The following PCTP variants were observed in gnomAD, a reference collection of about 807,000 sequenced individuals.
The protein encoded by PCTP is START domain-containing protein 2.
In PCTP, 27 loss-of-function variants were observed where a neutral mutation model predicts 31.0. The ratio of observed to expected loss-of-function variants is 0.87; its 90% confidence interval spans 0.64 to 1.20. The LOEUF (loss-of-function observed/expected upper bound fraction) is 1.20. Ranked by LOEUF, PCTP falls within the 50% of genes most tolerant of loss-of-function variation. The probability of loss-of-function intolerance (pLI) is 0.00; values close to 1 mark genes in which losing one functional copy is unlikely to be tolerated. For missense variants in PCTP, 287 were observed against 268.2 expected, an observed-to-expected ratio of 1.07 and a Z score of -0.49; for synonymous variants, 108 against 101.2, an observed-to-expected ratio of 1.07 and a Z score of -0.40.
chr17:55,775,012 G>T (rs974228574), intron 5 of PCTP, among the ~76,000 whole-genome samples, 153 bp downstream of exon 5: 1 of 152,178 alleles, frequency 6.6e-6, no homozygotes, highest in Non-Finnish European at 1.5e-5. Context: ...ACTCTGGTTA[G>T]GGCTGGGGCT....
the PCTP span, among the ~76,000 whole-genome samples, chr17:55,849,859 C>A: frequency 2.0e-5 from 3 of 152,066 alleles, no homozygotes; most frequent in East Asian, 5.8e-4. Context: ...TAAAAGTATA[C>A]CACAACCAAG....
intron 2 of PCTP, among the ~76,000 whole-genome samples, chr17:55,785,729 A>G (rs1045527481): frequency 5.9e-5 from 9 of 152,240 alleles, no homozygotes; most frequent in Non-Finnish European, 1.2e-4. Context: ...ATGAAAATTC[A>G]GTGAACAAAA....
intron 3 of PCTP, among the ~76,000 whole-genome samples, chr17:55,792,269 C>A (rs1166989381): frequency 3.4e-5 from 5 of 148,104 alleles, no homozygotes; most frequent in African/African-American, 2.5e-5. Flanking sequence ...AACTAACCTG[C>A]ACATTGTGCA....
intron 3 of PCTP, among the ~76,000 whole-genome samples, chr17:55,793,364 A>G (rs1912073221): frequency 6.6e-6 from 1 of 152,040 alleles, no homozygotes; most frequent in East Asian, 1.9e-4. Flanking sequence ...TTAAATTTCA[A>G]CAATGCTGAA....
chr17:55,833,785 C>A (rs186273614), intron 5 of PCTP, among the ~76,000 whole-genome samples: 12 of 152,138 alleles, frequency 7.9e-5, no homozygotes, highest in Non-Finnish European at 1.8e-4. Flanking sequence ...TCTCATCCCC[C>A]GCTGAAAGAC....
downstream of PCTP, among the ~76,000 whole-genome samples, chr17:55,781,732 C>T (rs1433559401): frequency 6.7e-6 from 1 of 148,158 alleles, no homozygotes; most frequent in Non-Finnish European, 1.5e-5. Flanking sequence ...GTACTGAATA[C>T]TGTAGGCAAT....
intron 5 of PCTP, among the ~76,000 whole-genome samples, chr17:55,835,932 G>A (rs772572181): frequency 6.6e-6 from 1 of 152,214 alleles, no homozygotes; most frequent in Non-Finnish European, 1.5e-5. Context: ...GATTTGGAAG[G>A]AAGTCAGCTA....
exon 4 of PCTP, chr17:55,822,779 C>T (rs2290433): frequency 0.054 from 66,195 of 1,230,572 alleles, 7,675 homozygotes; most frequent in African/African-American, 0.45. Context: ...CAGAACCAAG[C>T]GGGAAGCTCA....
In PCTP at chr17:55,774,061, C is replaced by T. The variant is rs943076505; in HGVS notation, c.511+166C>T. Among the ~76,000 whole-genome samples, 4 of 152,222 alleles carry T rather than the reference C, an allele frequency of 2.6e-5. No individual in the cohort carries two copies. The East Asian group carries it at 7.7e-4, about 29-fold the overall frequency. On this transcript the variant is annotated intron_variant, in intron 4 of 5. Coordinates refer to ENST00000268896, the MANE Select transcript of PCTP (RefSeq NM_021213.4). ...AGCACCTAGAGAGAGCCTCATTCCACCCCAACAAACTTGAGTAGAGTATGA... is the reference window on the plus strand; with the variant it reads ...AGCACCTAGAGAGAGCCTCATTCCATCCCAACAAACTTGAGTAGAGTATGA...
chr17:55,751,431 C>G (rs570652871), intron 1 of PCTP, 187 bp downstream of exon 1: 2 of 1,533,818 alleles, frequency 1.3e-6, no homozygotes, highest in East Asian at 2.4e-5. Context: ...CAAGTGACTG[C>G]CGTGCAGATC....
intron 3 of PCTP, among the ~76,000 whole-genome samples, chr17:55,795,400 T>C (rs1912151669): frequency 6.6e-6 from 1 of 152,044 alleles, no homozygotes; most frequent in African/African-American, 2.4e-5. Context: ...CATAAATGAT[T>C]TATGTCTTTG....
chr17:55,757,553 A>G (rs1464845679), intron 1 of PCTP, among the ~76,000 whole-genome samples: 1 of 50,170 alleles, frequency 2.0e-5, no homozygotes, highest in South Asian at 1.3e-3. Context: ...ATATATACAC[A>G]TGTATATGTG....
At chr17:55,851,197 A>G in the PCTP span, among the ~76,000 whole-genome samples, 1 of 152,344 alleles carries the variant, frequency 6.6e-6, no homozygotes, top group Non-Finnish European at 1.5e-5. Context: ...TTATGTGTAG[A>G]GTGATGAAAG....
chr17:55,766,400 A>C (rs1450003007), intron 1 of PCTP, among the ~76,000 whole-genome samples: 2 of 137,746 alleles, frequency 1.5e-5, no homozygotes, highest in Non-Finnish European at 1.6e-5. Flanking sequence ...TCCTAATGCT[A>C]TCCCTCCCCC....
At chr17:55,841,872 C>T (rs1905993067) in intron 5 of PCTP, among the ~76,000 whole-genome samples, 1 of 152,210 alleles carries the variant, frequency 6.6e-6, no homozygotes, top group Non-Finnish European at 1.5e-5. Flanking sequence ...TTTTCCTATA[C>T]TCCCATATAA....
chr17:55,799,464 T>A (rs1912302692), intron 3 of PCTP, among the ~76,000 whole-genome samples: 1 of 151,930 alleles, frequency 6.6e-6, no homozygotes, highest in Admixed American at 6.6e-5. Context: ...AGCCTATGTG[T>A]GTGTTTGCAC....
intron 1 of PCTP, among the ~76,000 whole-genome samples, chr17:55,763,456 T>A (rs1289776293): frequency 6.6e-6 from 1 of 151,732 alleles, no homozygotes; most frequent in Non-Finnish European, 1.5e-5. Context: ...AAAAAAAAAA[T>A]AGAATTATGG....
rs772873095 is a variant in PCTP at position 55,829,598 on chromosome 17, CT to C, written n.505+6672del. ...GTGCTGGGATTATAAGCTTGAGCCA[CT>C]ATTCCCAGCCTAAACTGTGTGATCT... On this transcript the variant is annotated intron_variant and non_coding_transcript_variant, in intron 5 of 5. Transcript: ENST00000576221. Among the ~76,000 whole-genome samples, 21 of 152,268 alleles carry C rather than the reference CT, an allele frequency of 1.4e-4. 2 individuals are homozygous for C. Among genetic ancestry groups the C allele is most frequent in the Admixed American group, 9.2e-4 (14 of 15,284 alleles).
downstream of PCTP, among the ~76,000 whole-genome samples, chr17:55,825,203 G>A (rs950826720): frequency 2.0e-5 from 3 of 152,148 alleles, no homozygotes; most frequent in East Asian, 5.8e-4. Flanking sequence ...CTTTTAATCC[G>A]AGCTCTGAGA....
Sources: allele counts gnomAD v4.1 joint callset (sites outside exome capture counted in the v4.1 genomes callset), GRCh38; gene constraint gnomAD v4.1.1; transcripts MANE v1.5; gene names NCBI Gene and HGNC (gene_info 2026-07-23, HGNC 2026-07-21).